SUMF1: variants seen among roughly 807,000 people sequenced by gnomAD.
The protein encoded by SUMF1 is formylglycine-generating enzyme.
A neutral mutation model predicts 47.6 loss-of-function variants in SUMF1; 48 were observed. The ratio of observed to expected loss-of-function variants is 1.01; its 90% CI spans 0.80 to 1.28. SUMF1 has a LOEUF of 1.28. SUMF1 is among the 50% of genes most tolerant of loss of function. SUMF1 has a pLI of 0.00. For missense variants in SUMF1, 571 were observed against 485.4 expected (o/e 1.18, Z -1.66); for synonymous variants, 230 against 192.1 (o/e 1.20, Z -1.63).
At chr3:4,130,042 A>G (rs1693749783) in intron 8 of SUMF1, among the ~76,000 whole-genome samples, 1 of 152,152 alleles carries the variant, frequency 6.6e-6, no homozygotes, top group Admixed American at 6.5e-5. Flanking sequence ...CAAAAACAAT[A>G]TCGCATCCTG....
At chr3:4,141,596 G>T (rs1025480336) in intron 8 of SUMF1, among the ~76,000 whole-genome samples, 3 of 152,216 alleles carry the variant, frequency 2.0e-5, no homozygotes, top group Non-Finnish European at 4.4e-5. Flanking sequence ...CCAGGAGTTC[G>T]AGACTACAGT....
At chr3:4,110,090 CA>C (rs1693257442) in intron 8 of SUMF1, among the ~76,000 whole-genome samples, 1 of 152,090 alleles carries the variant, frequency 6.6e-6, no homozygotes, top group Admixed American at 6.5e-5. Context: ...TGGTGACGTA[CA>C]GATGGGTTTT....
intron 8 of SUMF1, among the ~76,000 whole-genome samples, chr3:4,123,930 T>G (rs1317876534): frequency 6.6e-6 from 1 of 152,138 alleles, no homozygotes; most frequent in Admixed American, 6.6e-5. Context: ...GTGTGAGTGT[T>G]TATGTCTCTG....
chr3:4,441,737 C>T (rs1702595048), intron 3 of SUMF1, among the ~76,000 whole-genome samples: 2 of 152,062 alleles, frequency 1.3e-5, no homozygotes, highest in Admixed American at 6.6e-5. Flanking sequence ...TGTTTTAAAC[C>T]ATTAAATTCA....
chr3:4,042,334 T>C (rs981379039), intron 9 of SUMF1, among the ~76,000 whole-genome samples: 2 of 152,200 alleles, frequency 1.3e-5, no homozygotes, highest in Admixed American at 6.5e-5. Context: ...TTTGTTTGCT[T>C]GTTTGCTTGT....
At chr3:4,244,133 T>G (rs1331038092) in intron 8 of SUMF1, among the ~76,000 whole-genome samples, 1 of 152,208 alleles carries the variant, frequency 6.6e-6, no homozygotes, top group Non-Finnish European at 1.5e-5. Flanking sequence ...CCTCCATCCC[T>G]TTATTTTGAG....
intron 8 of SUMF1, among the ~76,000 whole-genome samples, chr3:4,190,260 G>C (rs116226450): frequency 2.0e-5 from 3 of 151,458 alleles, no homozygotes; most frequent in Non-Finnish European, 4.4e-5. Flanking sequence ...CATTTAGCTC[G>C]TGAAAACTAT....
chr3:4,390,686 G>C (rs568381893), intron 7 of SUMF1, among the ~76,000 whole-genome samples: 1 of 152,130 alleles, frequency 6.6e-6, no homozygotes, highest in South Asian at 2.1e-4. Flanking sequence ...GGGCCCAGGG[G>C]ATCTTTCCAC....
At chr3:4,211,119 T>TATATATATATATATATATATATACAC (rs1440211464) in intron 8 of SUMF1, among the ~76,000 whole-genome samples, 4 of 133,780 alleles carry the variant, frequency 3.0e-5, no homozygotes, top group African/African-American at 1.2e-4. Flanking sequence ...TATATATATA[T>TATATATATATATATATATATATACAC]ATACACACAC....
intron 6 of SUMF1, among the ~76,000 whole-genome samples, chr3:4,412,173 C>T (rs778903190): frequency 1.2e-4 from 19 of 152,166 alleles, no homozygotes; most frequent in Non-Finnish European, 2.1e-4. Context: ...TCAGTAATTC[C>T]ATGCACAGTG....
intron 8 of SUMF1, among the ~76,000 whole-genome samples, chr3:4,239,248 G>A (rs1376059503): frequency 6.6e-6 from 1 of 152,026 alleles, no homozygotes; most frequent in Non-Finnish European, 1.5e-5. Flanking sequence ...AGATTGTCTT[G>A]GCTATATGGG....
In SUMF1 at chr3:4,154,126, G is replaced by A. The variant is rs142558554; in HGVS notation, c.1015-85381C>T. Among the ~76,000 whole-genome samples the A allele has an allele frequency of 1.4e-3, 215 of 151,678 alleles. 6 individuals are homozygous for A. The highest frequency in any genetic ancestry group is 4.8e-3 in the African/African-American group (197 of 40,956). On this transcript the variant is annotated intron_variant and NMD_transcript_variant, in intron 8 of 12. Transcript: ENST00000448413. ...AGATGTCCAGAAAGGTTTCTCAGAG[G>A]AGGAGGTGACTCCTGAGCTACATGT...
At chr3:4,317,809 C>T (rs1185485628) in intron 8 of SUMF1, among the ~76,000 whole-genome samples, 1 of 152,082 alleles carries the variant, frequency 6.6e-6, no homozygotes, top group East Asian at 1.9e-4. Flanking sequence ...TTAACACATG[C>T]AAAGGGGTTA....
At chr3:4,264,069 A>C (rs1697140332) in intron 8 of SUMF1, among the ~76,000 whole-genome samples, 2 of 152,266 alleles carry the variant, frequency 1.3e-5, no homozygotes, top group South Asian at 4.1e-4. Flanking sequence ...AGAGAAGAGG[A>C]AAATGGTTAT....
At chr3:4,206,473 T>A (rs139740126) in intron 8 of SUMF1, among the ~76,000 whole-genome samples, 6 of 152,250 alleles carry the variant, frequency 3.9e-5, no homozygotes, top group African/African-American at 1.4e-4. Context: ...TGCCCTTCAC[T>A]GTTACTGGGC....
rs146389455 is a variant in SUMF1, at chr3:4,071,262, A to T, written c.1015-2517T>A. Among the ~76,000 whole-genome samples, 8 of 152,188 alleles carry T rather than the reference A, an allele frequency of 5.3e-5. No individual in the cohort carries two copies. The East Asian group carries it at 1.5e-3, about 29-fold the overall frequency. ...GAAGACAGGTGATTTCTGCATTTCC[A>T]ACTGAGGAACCTGGTTCATCTCATT... On this transcript the variant is annotated intron_variant and NMD_transcript_variant, in intron 8 of 12. Coordinates refer to the SUMF1 transcript ENST00000448413.
intron 9 of SUMF1, among the ~76,000 whole-genome samples, chr3:4,062,198 C>T (rs1462589124): frequency 2.0e-5 from 3 of 152,098 alleles, no homozygotes; most frequent in African/African-American, 7.2e-5. Context: ...TGGAAGCTGA[C>T]AGCTATTCTC....
At chr3:4,203,838 A>G (rs748093510) in intron 8 of SUMF1, among the ~76,000 whole-genome samples, 1 of 151,854 alleles carries the variant, frequency 6.6e-6, no homozygotes, top group South Asian at 2.1e-4. Context: ...AACAACATTG[A>G]TTACAAAAAC....
intron 8 of SUMF1, among the ~76,000 whole-genome samples, chr3:4,263,222 TG>T (rs1697122694): frequency 6.6e-6 from 1 of 152,170 alleles, no homozygotes. Flanking sequence ...TATAATCTCA[TG>T]TGGTCAGTTT....
Sources: allele counts gnomAD v4.1 joint callset (sites outside exome capture counted in the v4.1 genomes callset), GRCh38; gene constraint gnomAD v4.1.1; transcripts MANE v1.5; gene names NCBI Gene and HGNC (gene_info 2026-07-23, HGNC 2026-07-21).